The following SHPRH variants were observed in gnomAD, a reference collection of about 807,000 sequenced individuals.
SHPRH encodes E3 ubiquitin-protein ligase SHPRH.
In SHPRH, 106 loss-of-function variants were observed where a neutral mutation model predicts 202.5. That is an observed-to-expected ratio of 0.52 (90% CI 0.45 to 0.62). The LOEUF is 0.62. Ranked by LOEUF, SHPRH falls within the 20% of genes least tolerant of loss-of-function variation. SHPRH has a pLI of 0.00. For synonymous variants in SHPRH, 729 were observed against 686.0 expected (o/e 1.06, Z -0.98); for missense variants, 1,710 against 2,020.0 (o/e 0.85, Z 2.94).
intron 22 of SHPRH, chr6:145,918,941 C>T (rs1368325315): frequency 6.4e-6 from 1 of 155,802 alleles, no homozygotes; most frequent in Non-Finnish European, 1.4e-5. Flanking sequence ...ATTAGTTCAT[C>T]ATTAGCAAAA....
chr6:145,888,158 C>G, intron 28 of SHPRH, 58 bp from the exon 29 acceptor site: 1 of 1,281,848 alleles, frequency 7.8e-7, no homozygotes, highest in Non-Finnish European at 1.1e-6. Flanking sequence ...TCAGTACAAA[C>G]CGACTTCACA....
intron 11 of SHPRH, among the ~76,000 whole-genome samples, chr6:145,939,192 A>G (rs1461073715): frequency 6.6e-6 from 1 of 152,216 alleles, no homozygotes; most frequent in Non-Finnish European, 1.5e-5. Flanking sequence ...TGCAAGAATC[A>G]GAAAGATACC....
intron 1 of SHPRH, among the ~76,000 whole-genome samples, chr6:145,962,973 G>A (rs1220644433): frequency 6.6e-6 from 1 of 152,128 alleles, no homozygotes; most frequent in Non-Finnish European, 1.5e-5. Flanking sequence ...AATCTTACTG[G>A]CCTAAACTCT....
chr6:145,925,769 T>TGTAGAGGAAACTTCTTTGGGAGA (rs1157720920), intron 16 of SHPRH, among the ~76,000 whole-genome samples: 6 of 152,004 alleles, frequency 3.9e-5, no homozygotes, highest in Non-Finnish European at 8.8e-5. Context: ...CGACACTTTT[T>TGTAGAGGAAACTTCTTTGGGAGA]GTAGAGGAAA....
chr6:145,899,518 C>T (rs1212359532), intron 25 of SHPRH, among the ~76,000 whole-genome samples: 1 of 152,086 alleles, frequency 6.6e-6, no homozygotes, highest in Non-Finnish European at 1.5e-5. Flanking sequence ...ACCCTTATCT[C>T]ACCGCATATA....
rs1788361244 is a variant in SHPRH at position 145,955,043 on chromosome 6, G to A, written c.280C>T (p.Pro94Ser). ...ACAATATTTAACTTTACAGACAAAG[G>A]GGAAAAAATACCAACAGTCTCTTCT... ...EKEETVGIFS[P>S]LSVKLNIVIS... Residue 94 changes from proline to serine, a missense_variant, in exon 2 of 30, where the codon CCT (proline) becomes TCT (serine). By Grantham distance (74) the Pro-to-Ser change is moderately conservative (BLOSUM62 -1). This residue lies in a region of SHPRH where 459 missense variants were observed against 426.5 expected (regional missense o/e 1.08). Transcript: ENST00000275233. 6.2e-7 allele frequency: 1 copy of A among 1,613,052 alleles called. No individual in the cohort carries two copies.
downstream of SHPRH, among the ~76,000 whole-genome samples, chr6:145,882,390 C>T (rs1217444872): frequency 1.3e-5 from 2 of 152,092 alleles, no homozygotes; most frequent in South Asian, 2.1e-4. Context: ...AGAATATAAA[C>T]ATTAACATGA....
intron 11 of SHPRH, among the ~76,000 whole-genome samples, chr6:145,936,149 C>CAAAA (rs1786046735): frequency 6.6e-6 from 1 of 151,904 alleles, no homozygotes; most frequent in South Asian, 2.1e-4. Flanking sequence ...TCCACCTGCC[C>CAAAA]ACTTAACATA....
intron 4 of SHPRH, among the ~76,000 whole-genome samples, chr6:145,949,434 C>T (rs1207286926): frequency 6.6e-6 from 1 of 151,998 alleles, no homozygotes; most frequent in Non-Finnish European, 1.5e-5. Context: ...ATGTCTTTTG[C>T]AGCAACTTGC....
chr6:145,952,239 T>C (rs1335910178), intron 3 of SHPRH, 110 bp downstream of exon 3: 2 of 1,012,582 alleles, frequency 2.0e-6, no homozygotes, highest in Admixed American at 3.2e-5. Context: ...ATCATTTAAT[T>C]TTTATTATGG....
chr6:145,918,538 C>A lies in SHPRH; in HGVS notation c.4153-306G>T, dbSNP rs17075501. Reference sequence around the variant, plus strand: ...GTACCATTTTTTTCAGTAATACATACACGGGATAAAGAAAAGTTAAATGAT... The same window carrying A: ...GTACCATTTTTTTCAGTAATACATAAACGGGATAAAGAAAAGTTAAATGAT... On this transcript the variant is annotated intron_variant, in intron 22 of 29. Transcript: ENST00000275233. 4.2e-3 allele frequency: 707 copies of A among 168,156 alleles called. 20 individuals are homozygous for A. In the East Asian group the frequency reaches 0.069, roughly 16 times the overall value. 10.4% of individuals were successfully genotyped at this position (168,156 alleles called of 1,614,324 possible). A position where few individuals can be genotyped will look rare whatever the true frequency, so the allele number is the denominator to read the frequency against.
chr6:145,912,226 G>A (rs1783556972), intron 24 of SHPRH, among the ~76,000 whole-genome samples: 1 of 151,720 alleles, frequency 6.6e-6, no homozygotes, highest in African/African-American at 2.4e-5. Context: ...TAATTTAATA[G>A]CCCTAAATTA....
chr6:145,910,653 A>C lies in SHPRH; in HGVS notation c.4327-17T>G. On this transcript the variant is annotated splice_polypyrimidine_tract_variant and intron_variant, in intron 24 of 29. Coordinates refer to ENST00000275233, the MANE Select transcript of SHPRH (RefSeq NM_001042683.3). ...TACCGCCCACTAAAAAGAAAACAGA[A>C]CAAGCCTTAGTGCTATCAAAGATGC... 1 of 1,591,458 alleles carries C rather than the reference A, an allele frequency of 6.3e-7. No individual in the cohort carries two copies.
At chr6:145,909,673 A>G (rs1017562889) in intron 25 of SHPRH, 2 of 152,138 alleles carry the variant, frequency 1.3e-5, no homozygotes, top group Admixed American at 6.6e-5. Flanking sequence ...CTTAAGAGTC[A>G]ACCCCATCAT....
intron 11 of SHPRH, among the ~76,000 whole-genome samples, chr6:145,939,631 G>A (rs1392360722): frequency 6.6e-6 from 1 of 152,050 alleles, no homozygotes; most frequent in Non-Finnish European, 1.5e-5. Flanking sequence ...CCTTATTAAC[G>A]CCTAAACATT....
chr6:145,945,623 T>A lies in SHPRH; in HGVS notation c.1336A>T (p.Ile446Leu). 1 of 1,610,134 alleles carries A rather than the reference T, an allele frequency of 6.2e-7. No individual in the cohort carries two copies. The highest frequency in any genetic ancestry group is 8.5e-7 in the Non-Finnish European group (1 of 1,178,636). ...KVQCPPTRVM[I>L]LTAVKEMNGK... ...TTCATTTCTTTCACAGCTGTCAGTATCATCACACGTGTAGCTAAATGTAAA... is the reference window on the plus strand; with the variant it reads ...TTCATTTCTTTCACAGCTGTCAGTAACATCACACGTGTAGCTAAATGTAAA... The change falls in exon 8 of 30, where the codon ATA becomes TTA. Residue 446 changes from isoleucine to leucine, a missense_variant. Physicochemically the swap from Ile to Leu is conservative, Grantham distance 5. Coordinates refer to ENST00000275233, the MANE Select transcript of SHPRH (RefSeq NM_001042683.3).
At position 145,927,236 on chromosome 6, in the gene SHPRH, G is replaced by A. The variant is rs749619791; in HGVS notation, c.3154C>T (p.Arg1052Cys). The change falls in exon 15 of 30, where the codon CGC becomes TGC. Residue 1052 changes from arginine (R) to cysteine (C), a missense_variant. Around this residue, in one of 8 missense-constraint regions of SHPRH, gnomAD observed 288 missense variants for 317.8 expected, o/e 0.91. Coordinates refer to ENST00000275233, the MANE Select transcript of SHPRH (RefSeq NM_001042683.3). ...LAAELYREVL[R>C]SSEEHKGKLK... is the part of the protein sequence containing the mutation. ...TTTCCTTTGTGTTCCTCCGAGGAGC[G>A]CAACACTTCTCTGTACAATTCTGCT... 3 of 1,611,906 alleles carry A rather than the reference G, an allele frequency of 1.9e-6. No homozygotes were observed. Among genetic ancestry groups the A allele is most frequent in the South Asian group, 1.1e-5 (1 of 90,994 alleles).
chr6:145,894,340 G>A lies in SHPRH; in HGVS notation c.4609-104C>T. ...AAAATGACTTTTATACTGGAGTTAA[G>A]AAAATAAAACCAAAACCAAAACCCT... On this transcript the variant is annotated intron_variant, in intron 26 of 29. Coordinates refer to ENST00000275233, the MANE Select transcript of SHPRH (RefSeq NM_001042683.3). 7 of 791,280 alleles carry A rather than the reference G, an allele frequency of 8.8e-6. No individual in the cohort carries two copies. In the South Asian group the frequency reaches 1.2e-4, roughly 13 times the overall value. The allele number at this position is 791,280 out of a possible 1,614,324, so 49.0% of individuals were successfully genotyped here. A position where few individuals can be genotyped will look rare whatever the true frequency, so the allele number is the denominator to read the frequency against.
intron 25 of SHPRH, chr6:145,904,493 CAA>C (rs933616075): frequency 2.0e-5 from 3 of 152,110 alleles, no homozygotes; most frequent in Non-Finnish European, 4.4e-5. Context: ...GTGGAAGTTT[CAA>C]AGAGTCACAA....
Sources: allele counts gnomAD v4.1 joint callset (sites outside exome capture counted in the v4.1 genomes callset), GRCh38; gene constraint gnomAD v4.1.1; regional missense constraint gnomAD v4.1.1; transcripts MANE v1.5; gene names NCBI Gene and HGNC (gene_info 2026-07-23, HGNC 2026-07-21).